The following ZNF804B variants were observed in gnomAD, a reference collection of about 807,000 sequenced individuals.
The protein encoded by ZNF804B is zinc finger 804B.
In ZNF804B, 80 loss-of-function variants were observed where a neutral mutation model predicts 101.4. That is an observed-to-expected ratio of 0.79 (90% confidence interval 0.66 to 0.95). The LOEUF (loss-of-function observed/expected upper bound fraction) is 0.95, where lower values mean the gene tolerates loss of function less well. ZNF804B is among the 40% of genes least tolerant of loss of function. ZNF804B has a pLI of 0.00. For missense variants in ZNF804B, 1,673 were observed against 1,561.9 expected, an observed-to-expected ratio of 1.07 and a Z score of -1.20; for synonymous variants, 622 against 558.8, an observed-to-expected ratio of 1.11 and a Z score of -1.59.
At chr7:88,872,019 T>A (rs1363304084) in intron 1 of ZNF804B, among the ~76,000 whole-genome samples, 1 of 152,160 alleles carries the variant, frequency 6.6e-6, no homozygotes, top group African/African-American at 2.4e-5. Context: ...GGAAATTTTA[T>A]GATTTTCCAA....
At chr7:89,055,752 T>C (rs1789281954) in intron 1 of ZNF804B, among the ~76,000 whole-genome samples, 1 of 152,036 alleles carries the variant, frequency 6.6e-6, no homozygotes, top group African/African-American at 2.4e-5. Flanking sequence ...AACCTTCCCC[T>C]TATTGCTCTG....
chr7:89,241,332 T>C (rs1203869208), intron 2 of ZNF804B, among the ~76,000 whole-genome samples: 1 of 152,100 alleles, frequency 6.6e-6, no homozygotes, highest in Non-Finnish European at 1.5e-5. Context: ...GGTAGCTGAT[T>C]TCATAACAAC....
chr7:89,189,302 G>A (rs2115608399), intron 1 of ZNF804B, among the ~76,000 whole-genome samples: 1 of 152,204 alleles, frequency 6.6e-6, no homozygotes, highest in South Asian at 2.1e-4. Flanking sequence ...TCTGCCCATT[G>A]ACAATGTACC....
chr7:89,258,701 A>G (rs537969901), intron 2 of ZNF804B, among the ~76,000 whole-genome samples: 4 of 152,222 alleles, frequency 2.6e-5, no homozygotes, highest in Admixed American at 6.5e-5. Context: ...TAACAATAAC[A>G]TAAACAGTTA....
intron 1 of ZNF804B, among the ~76,000 whole-genome samples, chr7:89,027,244 C>CAGAGAG (rs146841345): frequency 1.3e-5 from 2 of 150,424 alleles, no homozygotes; most frequent in Non-Finnish European, 3.0e-5. Context: ...GAAAAAAAGC[C>CAGAGAG]AGAGAGAGAG....
chr7:89,183,732 A>C (rs190251449), intron 1 of ZNF804B, among the ~76,000 whole-genome samples: 23 of 152,306 alleles, frequency 1.5e-4, no homozygotes, highest in African/African-American at 4.3e-4. Context: ...CACAGCACTC[A>C]TTTTATGAAG....
intron 1 of ZNF804B, among the ~76,000 whole-genome samples, chr7:88,828,350 C>T (rs1222486391): frequency 1.3e-5 from 2 of 152,092 alleles, no homozygotes; most frequent in Admixed American, 6.6e-5. Flanking sequence ...AACTCTACCC[C>T]AGGCCTTTCT....
chr7:89,335,746 C>T lies in ZNF804B; in HGVS notation c.2764C>T (p.Pro922Ser). Reference sequence around the variant, plus strand: ...AAACACTGCAGAAGGAGAGAGGACCCCTCTAACAGCAAAAATCCTTTTAGA... The same window carrying T: ...AAACACTGCAGAAGGAGAGAGGACCTCTCTAACAGCAAAAATCCTTTTAGA... Reference protein sequence around the residue: ...ESNTAEGERTPLTAKILLERV... With the variant: ...ESNTAEGERTSLTAKILLERV... The change falls in exon 4 of 4, where the codon CCT (proline) becomes TCT (serine). Residue 922 changes from proline (P) to serine (S), a missense_variant. Pro to Ser is a moderately conservative substitution (Grantham distance 74, BLOSUM62 -1). Coordinates refer to ENST00000333190, the MANE Select transcript of ZNF804B (RefSeq NM_181646.5). 6.2e-7 allele frequency: 1 copy of T among 1,613,942 alleles called. No individual in the cohort carries two copies. The highest frequency in any genetic ancestry group is 8.5e-7 in the Non-Finnish European group (1 of 1,179,934).
At chr7:88,985,718 A>G (rs1793749930) in intron 1 of ZNF804B, among the ~76,000 whole-genome samples, 1 of 152,146 alleles carries the variant, frequency 6.6e-6, no homozygotes, top group South Asian at 2.1e-4. Context: ...CTTTGTATAT[A>G]GGGCAAGGAT....
intron 1 of ZNF804B, among the ~76,000 whole-genome samples, chr7:89,129,176 T>A (rs576271823): frequency 5.9e-5 from 9 of 152,110 alleles, no homozygotes; most frequent in African/African-American, 1.9e-4. Context: ...TTGAAGACTA[T>A]TTTTTACGTT....
chr7:89,171,356 T>TTCTTCTTCC (rs1282426438), intron 1 of ZNF804B, among the ~76,000 whole-genome samples: 107 of 99,288 alleles, frequency 1.1e-3, no homozygotes, highest in Non-Finnish European at 1.7e-3. Flanking sequence ...CTTCTTCTTC[T>TTCTTCTTCC]TCCTCCTCTT....
intron 2 of ZNF804B, among the ~76,000 whole-genome samples, chr7:89,252,816 A>G (rs1789562921): frequency 6.6e-6 from 1 of 152,172 alleles, no homozygotes; most frequent in Non-Finnish European, 1.5e-5. Flanking sequence ...TGCACTTACA[A>G]TTGGGAGCTA....
chr7:88,888,589 G>A (rs1016101958), intron 1 of ZNF804B, among the ~76,000 whole-genome samples: 4 of 151,160 alleles, frequency 2.6e-5, no homozygotes, highest in Admixed American at 2.6e-4. Context: ...ATCACAAGTA[G>A]AAAAAAAAGA....
At chr7:89,081,021 A>G (rs545080749) in intron 1 of ZNF804B, among the ~76,000 whole-genome samples, 14 of 152,014 alleles carry the variant, frequency 9.2e-5, no homozygotes, top group African/African-American at 3.4e-4. Flanking sequence ...TGATAAGGAG[A>G]ATCTACAGTT....
At chr7:88,879,858 G>C (rs1017512964) in intron 1 of ZNF804B, among the ~76,000 whole-genome samples, 10 of 152,170 alleles carry the variant, frequency 6.6e-5, no homozygotes, top group African/African-American at 1.9e-4. Context: ...GGGAAACATG[G>C]TGAAACCCCG....
chr7:89,014,014 A>G (rs1349709059), intron 1 of ZNF804B, among the ~76,000 whole-genome samples: 1 of 152,090 alleles, frequency 6.6e-6, no homozygotes, highest in African/African-American at 2.4e-5. Context: ...TGCAATAAAT[A>G]TGGGGGTGCA....
chr7:89,166,846 G>C (rs1439527041), intron 1 of ZNF804B, among the ~76,000 whole-genome samples: 1 of 152,082 alleles, frequency 6.6e-6, no homozygotes, highest in Non-Finnish European at 1.5e-5. Context: ...GTAGGAGAGG[G>C]TTATGAAATT....
intron 2 of ZNF804B, among the ~76,000 whole-genome samples, chr7:89,301,099 GTTT>G (rs5885673): frequency 9.0e-5 from 7 of 77,652 alleles, no homozygotes; most frequent in African/African-American, 2.3e-4. Context: ...TTTCAAGCGT[GTTT>G]TTTTTTTTTT....
At chr7:88,875,247 G>T (rs2115891256) in intron 1 of ZNF804B, among the ~76,000 whole-genome samples, 1 of 150,036 alleles carries the variant, frequency 6.7e-6, no homozygotes, top group East Asian at 2.0e-4. Context: ...ACAATTAAAA[G>T]AACTAGAAAA....
Sources: allele counts gnomAD v4.1 joint callset (sites outside exome capture counted in the v4.1 genomes callset), GRCh38; gene constraint gnomAD v4.1.1; transcripts MANE v1.5; gene names NCBI Gene and HGNC (gene_info 2026-07-23, HGNC 2026-07-21).